Variants in GPC6 observed in about 807,000 individuals in gnomAD.
GPC6 encodes the protein glypican-6.
Under a neutral mutation model 55.2 loss-of-function variants are expected in GPC6, and 14 were observed. The ratio of observed to expected loss-of-function variants is 0.25; its 90% CI spans 0.17 to 0.40. The LOEUF is 0.40. GPC6 is among the 10% of genes least tolerant of loss of function. The probability of loss-of-function intolerance (pLI) is 1.00; values close to 1 mark genes in which losing one functional copy is unlikely to be tolerated. For synonymous variants in GPC6, 278 were observed against 259.6 expected, an observed-to-expected ratio of 1.07 and a Z score of -0.68; for missense variants, 641 against 708.5, an observed-to-expected ratio of 0.90 and a Z score of 1.08.
chr13:94,365,531 A>T (rs1438152728), intron 6 of GPC6, among the ~76,000 whole-genome samples: 1 of 152,206 alleles, frequency 6.6e-6, no homozygotes, highest in Non-Finnish European at 1.5e-5. Context: ...AAATCAAATC[A>T]TATATGCCCA....
In GPC6 at chr13:93,489,224, C is replaced by T. The variant is rs1004885111; in HGVS notation, c.161-56039C>T. ...TTTTCCCAGTGACATTTACTAAATACGGAATCCTTTCCCTATTTCTTGCTT... is the reference window on the plus strand; with the variant it reads ...TTTTCCCAGTGACATTTACTAAATATGGAATCCTTTCCCTATTTCTTGCTT... On this transcript the variant is annotated intron_variant, in intron 1 of 8. Transcript: ENST00000377047. Among the ~76,000 whole-genome samples the T allele has an allele frequency of 7.3e-5, 11 of 151,544 alleles. No homozygotes were observed. In the South Asian group the frequency reaches 1.0e-3, roughly 14 times the overall value.
At chr13:93,323,162 G>T (rs1879516307) in intron 1 of GPC6, among the ~76,000 whole-genome samples, 1 of 152,068 alleles carries the variant, frequency 6.6e-6, no homozygotes, top group South Asian at 2.1e-4. Context: ...GATTATATAT[G>T]TTAAATTCAT....
At chr13:93,351,402 AT>A (rs950330577) in intron 1 of GPC6, among the ~76,000 whole-genome samples, 6 of 152,124 alleles carry the variant, frequency 3.9e-5, no homozygotes, top group African/African-American at 1.4e-4. Context: ...TATTTTAAAC[AT>A]GATTTAGTTG....
chr13:93,330,356 C>T (rs1879801502), intron 1 of GPC6, among the ~76,000 whole-genome samples: 3 of 152,074 alleles, frequency 2.0e-5, no homozygotes, highest in African/African-American at 7.2e-5. Flanking sequence ...AAGATGCCAT[C>T]TCTACCAAGA....
chr13:94,401,975 A>C (rs536144119), intron 8 of GPC6, among the ~76,000 whole-genome samples: 2 of 151,176 alleles, frequency 1.3e-5, no homozygotes, highest in South Asian at 4.2e-4. Context: ...GATAGATAAT[A>C]GACTTTATGG....
At chr13:93,870,239 C>G (rs1358148160) in intron 3 of GPC6, among the ~76,000 whole-genome samples, 1 of 151,854 alleles carries the variant, frequency 6.6e-6, no homozygotes, top group African/African-American at 2.4e-5. Context: ...TAAATGAGAT[C>G]TTGTCTGCCA....
rs143446625 is a variant in GPC6 at position 94,307,233 on chromosome 13, T to C, written c.1152+1110T>C. ...ACTGTTACATTTTGTTATAAATTTATTGCCATTTATTAGCAAATAAAACCT... is the reference window on the plus strand; with the variant it reads ...ACTGTTACATTTTGTTATAAATTTACTGCCATTTATTAGCAAATAAAACCT... On this transcript the variant is annotated intron_variant, in intron 6 of 8. Coordinates refer to ENST00000377047, the MANE Select transcript of GPC6 (RefSeq NM_005708.5). 3.4e-3 allele frequency among the ~76,000 whole-genome samples: 516 copies of C among 152,356 alleles called. 1 individual carries two copies. Among genetic ancestry groups the C allele is most frequent in the Admixed American group, 7.3e-3 (112 of 15,300 alleles).
intron 2 of GPC6, among the ~76,000 whole-genome samples, chr13:93,582,176 A>G (rs1306783233): frequency 1.3e-5 from 2 of 152,236 alleles, no homozygotes; most frequent in Non-Finnish European, 2.9e-5. Context: ...AATATAAGTG[A>G]AAATCTTTTG....
At chr13:94,123,139 C>T in intron 4 of GPC6, among the ~76,000 whole-genome samples, 1 of 151,888 alleles carries the variant, frequency 6.6e-6, no homozygotes, top group East Asian at 1.9e-4. Context: ...CTTAAAAAAA[C>T]TGTGAGACAT....
At chr13:93,855,979 G>A (rs1888596582) in intron 3 of GPC6, among the ~76,000 whole-genome samples, 1 of 151,544 alleles carries the variant, frequency 6.6e-6, no homozygotes, top group Non-Finnish European at 1.5e-5. Context: ...CCCAGCCTGT[G>A]GCTTCTCCTT....
At chr13:93,884,496 A>G (rs146692607) in intron 3 of GPC6, among the ~76,000 whole-genome samples, 15 of 152,228 alleles carry the variant, frequency 9.9e-5, no homozygotes, top group East Asian at 1.9e-4. Context: ...TGCAATATTT[A>G]CATCATAACT....
chr13:93,230,841 G>A (rs1371916793), intron 1 of GPC6, among the ~76,000 whole-genome samples: 1 of 152,020 alleles, frequency 6.6e-6, no homozygotes, highest in African/African-American at 2.4e-5. Flanking sequence ...AAAACTCTGG[G>A]AAATTCAGAG....
At chr13:93,962,843 G>T (rs1879848608) in intron 3 of GPC6, among the ~76,000 whole-genome samples, 1 of 152,144 alleles carries the variant, frequency 6.6e-6, no homozygotes, top group Non-Finnish European at 1.5e-5. Context: ...AGTGGTGTCT[G>T]ATAAACCTTT....
chr13:93,277,760 T>C (rs1388528344), intron 1 of GPC6, among the ~76,000 whole-genome samples: 3 of 152,210 alleles, frequency 2.0e-5, no homozygotes, highest in Non-Finnish European at 2.9e-5. Flanking sequence ...TACTATAAGT[T>C]TTCTAAGGGC....
At position 93,616,946 on chromosome 13, in the gene GPC6, CA is replaced by C. The variant is rs1484711458; in HGVS notation, c.319+71526del. 2.6e-5 allele frequency among the ~76,000 whole-genome samples: 4 copies of C among 152,190 alleles called. No individual in the cohort carries two copies. The East Asian group carries it at 7.7e-4, about 29-fold the overall frequency. Reference sequence around the variant, plus strand: ...CATCATTGTCAGGTTTCATACTTTACAGTTTGTTTTTTCTCCTAAGATGGAT... The same window carrying C: ...CATCATTGTCAGGTTTCATACTTTACGTTTGTTTTTTCTCCTAAGATGGAT... On this transcript the variant is annotated intron_variant, in intron 2 of 8. Transcript: ENST00000377047.
intron 2 of GPC6, among the ~76,000 whole-genome samples, chr13:93,631,116 C>T (rs371857988): frequency 4.5e-4 from 68 of 152,086 alleles, no homozygotes; most frequent in African/African-American, 1.1e-3. Flanking sequence ...AAATTAGGCT[C>T]GCAGACAATT....
intron 2 of GPC6, among the ~76,000 whole-genome samples, chr13:93,759,165 G>A (rs1884874890): frequency 6.6e-6 from 1 of 152,098 alleles, no homozygotes. Flanking sequence ...GTGGTCTGTT[G>A]TATATTTGCT....
At chr13:93,475,175 C>CAA (rs1879258144) in intron 1 of GPC6, among the ~76,000 whole-genome samples, 1 of 152,008 alleles carries the variant, frequency 6.6e-6, no homozygotes. Context: ...CACACACACA[C>CAA]ACACAAACAC....
chr13:93,227,764 C>A lies in GPC6; in HGVS notation c.160+148C>A. The A allele has an allele frequency of 1.5e-6, 1 of 651,626 alleles. No individual in the cohort carries two copies. Among genetic ancestry groups the A allele is most frequent in the South Asian group, 2.0e-5 (1 of 51,020 alleles). The allele number at this position is 651,626 out of a possible 1,614,324, so 40.4% of individuals were successfully genotyped here. A position where few individuals can be genotyped will look rare whatever the true frequency, so the allele number is the denominator to read the frequency against. On this transcript the variant is annotated intron_variant, in intron 1 of 8. Coordinates refer to ENST00000377047, the MANE Select transcript of GPC6 (RefSeq NM_005708.5). This position sits in a 1 kb window ranked among gnomAD's most constrained non-coding sequence, Gnocchi z 4.3. ...TGGGACTCCGCGTCTCCGTGTTGGG[C>A]GGCGGATGCTCCTGCGGCTTCTTCG...
Sources: gnomAD v4.1 joint callset for allele counts (sites outside exome capture counted in the v4.1 genomes callset) on GRCh38, gnomAD v4.1.1 for gene constraint, Gnocchi (gnomAD v3.1) non-coding constraint, MANE v1.5 for transcripts, NCBI Gene and HGNC (gene_info 2026-07-23, HGNC 2026-07-21) for gene names.